The following ATP10A variants were observed in gnomAD, a reference collection of about 807,000 sequenced individuals.
ATP10A encodes the protein phospholipid-transporting ATPase VA.
In ATP10A, 111 loss-of-function variants were observed where a neutral mutation model predicts 147.8. The observed-to-expected ratio is 0.75, with a 90% CI of 0.64 to 0.88. The LOEUF (loss-of-function observed/expected upper bound fraction) is 0.88. Among genes scored for constraint, ATP10A ranks in the 40% least tolerant of loss-of-function variants. The pLI, the probability that ATP10A is intolerant of heterozygous loss-of-function variation, is 0.00. For missense variants in ATP10A, 1,927 were observed against 1,959.0 expected, an observed-to-expected ratio of 0.98 and a Z score of 0.31; for synonymous variants, 875 against 841.6, an observed-to-expected ratio of 1.04 and a Z score of -0.69.
intron 15 of ATP10A, among the ~76,000 whole-genome samples, chr15:25,689,912 C>T (rs1009360910): frequency 5.3e-5 from 8 of 152,192 alleles, no homozygotes; most frequent in East Asian, 1.9e-4. Context: ...GTTTACTAGA[C>T]GAGTTTCCAA....
rs5811392 is a variant in ATP10A, at chr15:25,682,053, TAA to T, written c.3493-981_3493-980del. 9.0e-3 allele frequency among the ~76,000 whole-genome samples: 1,149 copies of T among 127,144 alleles called. 6 individuals are homozygous for T. The highest frequency in any genetic ancestry group is 0.011 in the African/African-American group (375 of 33,804). The allele number at this position is 127,144 out of a possible 152,430, so 83.4% of individuals were successfully genotyped here. ...TGGGTGACAGAGCGAGACCTTGTCT[TAA>T]AAAAAAAAAAAAAAAAAAAAAGATG... On this transcript the variant is annotated intron_variant, in intron 17 of 20. Coordinates refer to ENST00000555815, the MANE Select transcript of ATP10A (RefSeq NM_024490.4).
In ATP10A at chr15:25,863,216, G is replaced by C; in HGVS notation, c.-120C>G. The C allele has an allele frequency of 1.5e-6, 1 of 679,148 alleles. No individual in the cohort carries two copies. Among genetic ancestry groups the C allele is most frequent in the Admixed American group, 5.7e-5 (1 of 17,688 alleles). 42.1% of individuals were successfully genotyped at this position (679,148 alleles called of 1,614,324 possible). On this transcript the variant is annotated 5_prime_UTR_variant, in exon 1 of 21. Coordinates refer to ENST00000555815, the MANE Select transcript of ATP10A (RefSeq NM_024490.4). ...CGAGCTCCCCGCCTGCGGGACGCAC[G>C]GAGACCGCGGTCAGCGCGCCGCCTG...
intron 14 of ATP10A, among the ~76,000 whole-genome samples, chr15:25,694,136 G>C (rs903989051): frequency 5.9e-5 from 9 of 152,222 alleles, no homozygotes; most frequent in Non-Finnish European, 1.2e-4. Flanking sequence ...CTAGAAGTGG[G>C]CAGAGAGGAT....
At chr15:25,703,733 C>T (rs1221329049) in intron 12 of ATP10A, among the ~76,000 whole-genome samples, 1 of 152,178 alleles carries the variant, frequency 6.6e-6, no homozygotes, top group African/African-American at 2.4e-5. Context: ...TGTCACCAGC[C>T]CTGAACTTAG....
chr15:25,688,285 G>A (rs961654624), intron 15 of ATP10A, among the ~76,000 whole-genome samples: 1 of 152,174 alleles, frequency 6.6e-6, no homozygotes, highest in East Asian at 1.9e-4. Context: ...GTCCTGGGAG[G>A]TGCATTTTGG....
chr15:25,730,341 A>AAAGGAAGG lies in ATP10A; in HGVS notation c.741-3083_741-3076dup, dbSNP rs796403030. ...AAAAAAAAAAAAAGAAGAAAGAAAG[A>AAAGGAAGG]AAGGAAGGAAGGAAGGAAGGACAGG... On this transcript the variant is annotated intron_variant, in intron 3 of 20. Coordinates refer to ENST00000555815, the MANE Select transcript of ATP10A (RefSeq NM_024490.4). Among the ~76,000 whole-genome samples, 440 of 149,226 alleles carry AAAGGAAGG rather than the reference A, an allele frequency of 2.9e-3. 3 individuals carry two copies. The highest frequency in any genetic ancestry group is 0.01 in the African/African-American group (419 of 39,990).
At chr15:25,785,890 C>G (rs1227442371) in intron 1 of ATP10A, among the ~76,000 whole-genome samples, 2 of 152,238 alleles carry the variant, frequency 1.3e-5, no homozygotes, top group Non-Finnish European at 2.9e-5. Context: ...GGAGAAGGGA[C>G]AGAGTCCAAC....
chr15:25,785,459 C>T (rs1363561830), intron 1 of ATP10A, among the ~76,000 whole-genome samples: 1 of 152,170 alleles, frequency 6.6e-6, no homozygotes, highest in African/African-American at 2.4e-5. Context: ...GTTGAAGTCA[C>T]CCCATCTGTG....
chr15:25,737,213 C>T (rs1887339043), intron 2 of ATP10A, among the ~76,000 whole-genome samples: 3 of 152,188 alleles, frequency 2.0e-5, no homozygotes, highest in East Asian at 1.9e-4. Flanking sequence ...AATGGCCTCT[C>T]GCTCTATTTC....
rs1213321635 is a variant in ATP10A at position 25,712,948 on chromosome 15, TA to T, written c.2344+725del. ...GCTGGCAAGAAAGGCCAGTGGGAGGTAAAGTACTCCCTAGCTCCAACTCGGA... is the reference window on the plus strand; with the variant it reads ...GCTGGCAAGAAAGGCCAGTGGGAGGTAAGTACTCCCTAGCTCCAACTCGGA... On this transcript the variant is annotated intron_variant, in intron 10 of 20. Transcript: ENST00000555815. 4.6e-5 allele frequency among the ~76,000 whole-genome samples: 7 copies of T among 152,154 alleles called. No individual in the cohort carries two copies. The South Asian group carries it at 1.0e-3, about 23-fold the overall frequency.
chr15:25,805,768 C>T (rs905826636), intron 1 of ATP10A, among the ~76,000 whole-genome samples: 4 of 152,110 alleles, frequency 2.6e-5, no homozygotes, highest in Admixed American at 2.6e-4. Context: ...TTTGTGAAAA[C>T]AAGGTCTTGC....
At position 25,855,541 on chromosome 15, in the gene ATP10A, A is replaced by AACACACACACAC. The variant is rs59597825; in HGVS notation, c.449+7095_449+7106dup. On this transcript the variant is annotated intron_variant, in intron 1 of 20. Transcript: ENST00000555815. The stretch of plus-strand genomic sequence containing the variant: ...AGCTTGAAATCTCAGTATTGGTTAA[A>AACACACACACAC]ACACACACACACACACACACACACA... Among the ~76,000 whole-genome samples, 1,409 of 146,080 alleles carry AACACACACACAC rather than the reference A, an allele frequency of 9.6e-3. 4 individuals are homozygous for AACACACACACAC. Among genetic ancestry groups the AACACACACACAC allele is most frequent in the Non-Finnish European group, 0.013 (879 of 66,618 alleles).
intron 1 of ATP10A, among the ~76,000 whole-genome samples, chr15:25,860,212 C>A (rs1893696428): frequency 6.6e-6 from 1 of 152,072 alleles, no homozygotes; most frequent in African/African-American, 2.4e-5. Flanking sequence ...ACCCTGTCCA[C>A]CCCCCGCCCC....
At position 25,714,126 on chromosome 15, in the gene ATP10A, T is replaced by C; in HGVS notation, c.1892A>G (p.Asn631Ser). The C allele has an allele frequency of 1.9e-6, 3 of 1,612,780 alleles. No individual in the cohort carries two copies. The highest frequency in any genetic ancestry group is 2.2e-5 in the East Asian group (1 of 44,856). The change falls in exon 10 of 21, where the codon AAC (asparagine) becomes AGC (serine). Residue 631 changes from asparagine to serine, a missense_variant. Physicochemically the swap from Asn to Ser is conservative, Grantham distance 46. Coordinates refer to ENST00000555815, the MANE Select transcript of ATP10A (RefSeq NM_024490.4). ...GGAGCCCAACTTGTGGCTGGACTTGTTGGCGGCCAGGCTCCCGATGCTGCT... is the reference window on the plus strand; with the variant it reads ...GGAGCCCAACTTGTGGCTGGACTTGCTGGCGGCCAGGCTCCCGATGCTGCT... ...GCSSIGSLAA[N>S]KSSHKLGSSF...
At chr15:25,849,008 T>C (rs781029450) in intron 1 of ATP10A, among the ~76,000 whole-genome samples, 4 of 151,814 alleles carry the variant, frequency 2.6e-5, no homozygotes, top group South Asian at 2.1e-4. Flanking sequence ...AGGGGGAACA[T>C]AGGGGAGACC....
At chr15:25,744,231 C>T (rs1887723481) in intron 2 of ATP10A, among the ~76,000 whole-genome samples, 1 of 151,918 alleles carries the variant, frequency 6.6e-6, no homozygotes, top group African/African-American at 2.4e-5. Flanking sequence ...ACTGAGTGGC[C>T]CAGAAAAATC....
chr15:25,828,123 G>A (rs1596631), intron 1 of ATP10A, among the ~76,000 whole-genome samples: 140,035 of 152,228 alleles, frequency 0.92, 65,200 homozygotes, highest in Non-Finnish European at 1. Flanking sequence ...AAGCAAAAAT[G>A]AAGCTAACTG....
At chr15:25,835,511 C>T (rs571467811) in intron 1 of ATP10A, among the ~76,000 whole-genome samples, 1 of 152,146 alleles carries the variant, frequency 6.6e-6, no homozygotes, top group Non-Finnish European at 1.5e-5. Flanking sequence ...ACTATGGGGT[C>T]AGCACAGTTT....
chr15:25,736,130 G>A lies in ATP10A; in HGVS notation c.666C>T (p.Phe222=). 6.2e-7 allele frequency: 1 copy of A among 1,612,822 alleles called. No individual in the cohort carries two copies. The highest frequency in any genetic ancestry group is 8.5e-7 in the Non-Finnish European group (1 of 1,179,948). Reference sequence around the variant, plus strand: ...TCACGCTGGTGAACGTCAAAGGATTGAATTCGGAGACCTAAAATAACAGCA... The same window carrying A: ...TCACGCTGGTGAACGTCAAAGGATTAAATTCGGAGACCTAAAATAACAGCA... ...VRGFSELVSE[F]NPLTFTSVIE... The change falls in exon 3 of 21, where the codon TTC becomes TTT. Residue 222 remains phenylalanine, a synonymous_variant. Transcript: ENST00000555815.
Sources: allele counts gnomAD v4.1 joint callset (sites outside exome capture counted in the v4.1 genomes callset), GRCh38; gene constraint gnomAD v4.1.1; transcripts MANE v1.5; gene names NCBI Gene and HGNC (gene_info 2026-07-23, HGNC 2026-07-21).